Variants in OLR1 observed in about 807,000 individuals in gnomAD.
The protein encoded by OLR1 is oxidized low-density lipoprotein receptor 1.
A neutral mutation model predicts 31.7 loss-of-function variants in OLR1; 23 were observed. That is an observed-to-expected ratio of 0.72 (90% CI 0.52 to 1.03). The LOEUF (loss-of-function observed/expected upper bound fraction) is 1.03. OLR1 is among the 50% of genes least tolerant of loss of function. The pLI is 0.00. For synonymous variants in OLR1, 117 were observed against 115.8 expected, an observed-to-expected ratio of 1.01 and a Z score of -0.07; for missense variants, 286 against 315.7, an observed-to-expected ratio of 0.91 and a Z score of 0.71.
rs1392398940 is a variant in OLR1, at chr12:10,159,014, G to A, written c.*866C>T. 6.6e-6 allele frequency: 1 copy of A among 152,062 alleles called. No homozygotes were observed. The highest frequency in any genetic ancestry group is 1.5e-5 in the Non-Finnish European group (1 of 68,016). 9.4% of individuals were successfully genotyped at this position (152,062 alleles called of 1,614,324 possible). ...CATTTTTTTTGTCTTGTATGTTTCG[G>A]AATTATAGCATAGCAAAACAGAGTT... On this transcript the variant is annotated 3_prime_UTR_variant, in exon 6 of 6. Transcript: ENST00000309539.
At position 10,158,968 on chromosome 12, in the gene OLR1, T is replaced by C. The variant is rs1379142581; in HGVS notation, c.*912A>G. 5 of 152,346 alleles carry C rather than the reference T, an allele frequency of 3.3e-5. No homozygotes were observed. The highest frequency in any genetic ancestry group is 9.6e-5 in the African/African-American group (4 of 41,592). The allele number at this position is 152,346 out of a possible 1,614,324, so 9.4% of individuals were successfully genotyped here. ...GCGATATTTGCATACCTGGCTTAGT[T>C]TGTTCTAGATTGAGTGTCTTCATTT... On this transcript the variant is annotated 3_prime_UTR_variant, in exon 6 of 6. Transcript: ENST00000309539.
rs774385114 is a variant in OLR1 at position 10,158,448 on chromosome 12, A to T, written c.*1432T>A. On this transcript the variant is annotated 3_prime_UTR_variant, in exon 6 of 6. Coordinates refer to ENST00000309539, the MANE Select transcript of OLR1 (RefSeq NM_002543.4). Reference sequence around the variant, plus strand: ...TTTAAAAGAATGAATTCATACGAGCATCAAGATGGAGACATATGAATCTCA... The same window carrying T: ...TTTAAAAGAATGAATTCATACGAGCTTCAAGATGGAGACATATGAATCTCA... 1 of 152,242 alleles carries T rather than the reference A, an allele frequency of 6.6e-6. No individual in the cohort carries two copies. Among genetic ancestry groups the T allele is most frequent in the Non-Finnish European group, 1.5e-5 (1 of 68,050 alleles). 9.4% of individuals were successfully genotyped at this position (152,242 alleles called of 1,614,324 possible).
At chr12:10,167,021 T>A in intron 2 of OLR1, 64 bp from the exon 3 acceptor site, 1 of 1,478,758 alleles carries the variant, frequency 6.8e-7, no homozygotes, top group Non-Finnish European at 9.2e-7. Flanking sequence ...AGGGACTTTT[T>A]GAGGAAATCA....
chr12:10,174,048 T>TTTTG (rs35635554), upstream of OLR1, among the ~76,000 whole-genome samples: 63,241 of 150,420 alleles, frequency 0.42, 14,766 homozygotes, highest in African/African-American at 0.63. Flanking sequence ...ATTTCATGTG[T>TTTTG]TTTGTTTGTT....
upstream of OLR1, among the ~76,000 whole-genome samples, chr12:10,175,954 T>C (rs536755014): frequency 1.4e-4 from 22 of 152,352 alleles, 1 homozygote; most frequent in South Asian, 4.6e-3. Context: ...ACCAGTTGTA[T>C]AACAATTCCC....
In OLR1 at chr12:10,171,651, G is replaced by A. The variant is rs780556110; in HGVS notation, c.76+351C>T. Among the ~76,000 whole-genome samples the A allele has an allele frequency of 1.3e-4, 20 of 152,126 alleles. 1 individual carries two copies. Among genetic ancestry groups the A allele is most frequent in the Non-Finnish European group, 1.5e-5 (1 of 68,032 alleles). ...CCTAGCTCTACCACTTATTAGCTCCGTGAAACTGGATGATGTTGTTAGTCC... is the reference window on the plus strand; with the variant it reads ...CCTAGCTCTACCACTTATTAGCTCCATGAAACTGGATGATGTTGTTAGTCC... On this transcript the variant is annotated intron_variant, in intron 1 of 5. Transcript: ENST00000309539.
chr12:10,166,628 T>C (rs919359260), intron 3 of OLR1, 84 bp downstream of exon 3: 1 of 1,482,176 alleles, frequency 6.7e-7, no homozygotes, highest in Non-Finnish European at 9.3e-7. Flanking sequence ...AGACCAATTT[T>C]GAGCCCAGAA....
In OLR1 at chr12:10,166,855, GCTT is replaced by G. The variant is rs779339656; in HGVS notation, c.278_280del (p.Glu93del). ...GAGTTCGTTTTCTGACTCCTGTGAA[GCTT>G]CTTCTGCTTGTTGCCGGGCTGAGAT... On this transcript the variant is annotated inframe_deletion, in exon 3 of 6. Coordinates refer to ENST00000309539, the MANE Select transcript of OLR1 (RefSeq NM_002543.4). 399 of 1,613,542 alleles carry G rather than the reference GCTT, an allele frequency of 2.5e-4. No homozygotes were observed. The highest frequency in any genetic ancestry group is 2.7e-4 in the Non-Finnish European group (315 of 1,179,964).
chr12:10,163,991 G>C (rs536801052), intron 3 of OLR1, among the ~76,000 whole-genome samples: 1 of 151,924 alleles, frequency 6.6e-6, no homozygotes, highest in Non-Finnish European at 1.5e-5. Flanking sequence ...CTACTAATTA[G>C]CCTTTATCTG....
In OLR1 at chr12:10,158,879, G is replaced by A. The variant is rs1300464325; in HGVS notation, c.*1001C>T. The A allele has an allele frequency of 6.6e-6, 1 of 151,982 alleles. No individual in the cohort carries two copies. The highest frequency in any genetic ancestry group is 1.5e-5 in the Non-Finnish European group (1 of 68,012). 9.4% of individuals were successfully genotyped at this position (151,982 alleles called of 1,614,324 possible). A position where few individuals can be genotyped will look rare whatever the true frequency, so the allele number is the denominator to read the frequency against. On this transcript the variant is annotated 3_prime_UTR_variant, in exon 6 of 6. Coordinates refer to ENST00000309539, the MANE Select transcript of OLR1 (RefSeq NM_002543.4). ...AAAGTAGAATAGCCTGTGAAGAGTGGGTGGAAAGGAAATAGAAGCCTAAAA... is the reference window on the plus strand; with the variant it reads ...AAAGTAGAATAGCCTGTGAAGAGTGAGTGGAAAGGAAATAGAAGCCTAAAA...
rs1408756043 is a variant in OLR1, at chr12:10,169,148, C to T, written c.104G>A (p.Trp35Ter). ...KGLQFLYSPW[W>*]CLAAATLGVL... ...CCCTAGAGTCGCAGCAGCCAGGCAC[C>T]ACCATGGAGAGTAAAGAAACTGAAG... The change falls in exon 2 of 6, where the codon TGG (tryptophan) becomes TAG (stop). Residue 35 changes from tryptophan (W) to a stop codon, truncating the protein, a stop_gained. Transcript: ENST00000309539. LOFTEE classifies it high-confidence loss of function. 1 of 1,613,730 alleles carries T rather than the reference C, an allele frequency of 6.2e-7. No homozygotes were observed. The highest frequency in any genetic ancestry group is 8.5e-7 in the Non-Finnish European group (1 of 1,179,876).
At chr12:10,160,231 A>G in intron 5 of OLR1, 116 bp downstream of exon 5, 1 of 954,150 alleles carries the variant, frequency 1.0e-6, no homozygotes, top group South Asian at 1.7e-5. Flanking sequence ...AATTCCCCCA[A>G]GCTTCTCTCT....
At chr12:10,165,638 G>C (rs1392692175) in intron 3 of OLR1, among the ~76,000 whole-genome samples, 1 of 151,640 alleles carries the variant, frequency 6.6e-6, no homozygotes, top group Non-Finnish European at 1.5e-5. Flanking sequence ...CAAGAAAAAT[G>C]TCAAAACTGC....
chr12:10,173,579 C>T (rs1043616340), upstream of OLR1, among the ~76,000 whole-genome samples: 7 of 151,286 alleles, frequency 4.6e-5, no homozygotes, highest in African/African-American at 9.7e-5. Context: ...GTCAGGAGTT[C>T]GAGACCAGCC....
chr12:10,159,322 TGTCTGTCC>T lies in OLR1; in HGVS notation c.*550_*557del, dbSNP rs1948600559. The T allele has an allele frequency of 6.5e-6, 1 of 152,674 alleles. No individual in the cohort carries two copies. Among genetic ancestry groups the T allele is most frequent in the Non-Finnish European group, 1.5e-5 (1 of 68,274 alleles). The allele number at this position is 152,674 out of a possible 1,614,324, so 9.5% of individuals were successfully genotyped here. A position where few individuals can be genotyped will look rare whatever the true frequency, so the allele number is the denominator to read the frequency against. ...GTGTGTGTGTGTGTGTCTGTCTGTC[TGTCTGTCC>T]GTAAGTGGTAGAGTCTGGAGATGGA... On this transcript the variant is annotated 3_prime_UTR_variant, in exon 6 of 6. Coordinates refer to ENST00000309539, the MANE Select transcript of OLR1 (RefSeq NM_002543.4).
chr12:10,172,926 CT>C (rs1948735542), upstream of OLR1, among the ~76,000 whole-genome samples: 1 of 152,056 alleles, frequency 6.6e-6, no homozygotes, highest in Admixed American at 6.6e-5. Context: ...AAATAATAAG[CT>C]TTTTTACACT....
At chr12:10,169,269 C>A in intron 1 of OLR1, 94 bp from the exon 2 acceptor site, 1 of 803,966 alleles carries the variant, frequency 1.2e-6, no homozygotes, top group South Asian at 2.0e-5. Flanking sequence ...GTGATTTACT[C>A]TGTTTATGTT....
At position 10,160,798 on chromosome 12, in the gene OLR1, G is replaced by A. The variant is rs764862595; in HGVS notation, c.552C>T (p.Ser184=). 28 of 1,614,004 alleles carry A rather than the reference G, an allele frequency of 1.7e-5. No individual in the cohort carries two copies. Among genetic ancestry groups the A allele is most frequent in the Non-Finnish European group, 2.4e-5 (28 of 1,179,996 alleles). ...CATGAACACTCACCAGATCAGCTGTGCTATTAATTTTCAGCAACTTGGCAT... is the reference window on the plus strand; with the variant it reads ...CATGAACACTCACCAGATCAGCTGTACTATTAATTTTCAGCAACTTGGCAT... ...SLDAKLLKIN[S]TADLDFIQQA... is the part of the protein sequence containing the mutation. The change falls in exon 4 of 6, where the codon AGC becomes AGT. Residue 184 remains serine (S), a synonymous_variant. Coordinates refer to ENST00000309539, the MANE Select transcript of OLR1 (RefSeq NM_002543.4).
intron 3 of OLR1, among the ~76,000 whole-genome samples, chr12:10,165,582 AAAGAGATAAGGATCTATGGAATGGG>A (rs1236514374): frequency 6.6e-6 from 1 of 152,118 alleles, no homozygotes; most frequent in Non-Finnish European, 1.5e-5. Context: ...ATTGGAATGG[AAAGAGATAAGGATCTATGGAATGGG>A]GTGGGGGTGG....
Sources: gnomAD v4.1 joint callset for allele counts (sites outside exome capture counted in the v4.1 genomes callset) on GRCh38, gnomAD v4.1.1 for gene constraint, MANE v1.5 for transcripts, NCBI Gene and HGNC (gene_info 2026-07-23, HGNC 2026-07-21) for gene names.